Variants in LRRC74A observed in about 807,000 individuals in gnomAD.
LRRC74A encodes leucine-rich repeat-containing protein 74A.
Under a neutral mutation model 57.9 loss-of-function variants are expected in LRRC74A, and 44 were observed. The observed-to-expected ratio is 0.76, with a 90% CI of 0.60 to 0.98. LRRC74A has a LOEUF of 0.98. Ranked by LOEUF, LRRC74A falls within the 50% of genes least tolerant of loss-of-function variation. The pLI is 0.00. For synonymous variants in LRRC74A, 211 were observed against 219.4 expected (o/e 0.96, Z 0.34); for missense variants, 572 against 574.0 (o/e 1.00, Z 0.04).
chr14:76,844,710 A>C (rs1897005248), intron 6 of LRRC74A, 110 bp from the exon 7 acceptor site: 3 of 715,916 alleles, frequency 4.2e-6, no homozygotes, highest in Non-Finnish European at 7.2e-6. Flanking sequence ...CATTGTCTTC[A>C]CCTAATTTTT....
chr14:76,867,476 A>C, intron 13 of LRRC74A, 38 bp downstream of exon 13: 1 of 1,142,250 alleles, frequency 8.8e-7, no homozygotes, highest in Non-Finnish European at 1.3e-6. Flanking sequence ...GTTCTCTGCA[A>C]GGGGCCCTGG....
chr14:76,869,362 G>T (rs1024936932), intron 13 of LRRC74A, among the ~76,000 whole-genome samples: 1 of 152,188 alleles, frequency 6.6e-6, no homozygotes, highest in Non-Finnish European at 1.5e-5. Flanking sequence ...ACACACTGCC[G>T]CTTTATCAGC....
rs777305722 is a variant in LRRC74A at position 76,828,364 on chromosome 14, T to A, written c.111T>A (p.Thr37=). 1.9e-6 allele frequency: 3 copies of A among 1,613,874 alleles called. No individual in the cohort carries two copies. The Admixed American group carries it at 5.0e-5, about 27-fold the overall frequency. The change falls in exon 2 of 14, where the codon ACT becomes ACA. Residue 37 remains threonine, a synonymous_variant. Transcript: ENST00000689127. Reference sequence around the variant, plus strand: ...ACTGTGAGGCCGAATCCCCGCCGACTGTTGAAAAAGTGAAACCAGCCCGGG... The same window carrying A: ...ACTGTGAGGCCGAATCCCCGCCGACAGTTGAAAAAGTGAAACCAGCCCGGG... ...MLYCEAESPP[T]VEKVKPAREN... is the part of the protein sequence containing the mutation.
intron 5 of LRRC74A, among the ~76,000 whole-genome samples, chr14:76,839,966 T>C (rs1896638506): frequency 6.6e-6 from 1 of 152,120 alleles, no homozygotes; most frequent in South Asian, 2.1e-4. Flanking sequence ...CTTGACCTTG[T>C]GATCTGCCCG....
intron 9 of LRRC74A, among the ~76,000 whole-genome samples, chr14:76,856,504 CTGGATGGATGGATGGATGGATGGATGGA>C (rs35536797): frequency 6.9e-6 from 1 of 145,554 alleles, no homozygotes; most frequent in Non-Finnish European, 1.5e-5. Context: ...TTAATATGTG[CTGGATGGATGGATGGATGGATGGATGGA>C]TGGATGGATG....
chr14:76,851,156 C>T (rs1240036101), intron 7 of LRRC74A, among the ~76,000 whole-genome samples: 1 of 152,214 alleles, frequency 6.6e-6, no homozygotes, highest in African/African-American at 2.4e-5. Context: ...TCCCCACTTC[C>T]AACTGATTGT....
At chr14:76,840,584 CTTTTTTTTTT>C (rs34388699) in intron 5 of LRRC74A, among the ~76,000 whole-genome samples, 9 of 130,074 alleles carry the variant, frequency 6.9e-5, no homozygotes, top group Non-Finnish European at 1.3e-4. Context: ...TTATGTATTT[CTTTTTTTTTT>C]TTTTTTTTGA....
chr14:76,869,789 A>AT (rs1444240604), intron 13 of LRRC74A, among the ~76,000 whole-genome samples: 1 of 151,878 alleles, frequency 6.6e-6, no homozygotes, highest in Non-Finnish European at 1.5e-5. Flanking sequence ...AAGAAAAAAA[A>AT]TTCTAAACCC....
At chr14:76,827,253 C>T (rs1429842893) in intron 1 of LRRC74A, among the ~76,000 whole-genome samples, 1 of 152,194 alleles carries the variant, frequency 6.6e-6, no homozygotes, top group Non-Finnish European at 1.5e-5. Flanking sequence ...GCTACCTGCA[C>T]TGTGTATCCC....
At chr14:76,844,338 G>C (rs1896975360) in intron 5 of LRRC74A, 85 bp from the exon 6 acceptor site, 1 of 1,245,844 alleles carries the variant, frequency 8.0e-7, no homozygotes, top group Non-Finnish European at 1.2e-6. Flanking sequence ...GTTCTAAAGG[G>C]AAGTGGACTG....
intron 9 of LRRC74A, among the ~76,000 whole-genome samples, chr14:76,856,608 T>C (rs1280131503): frequency 7.7e-6 from 1 of 129,432 alleles, no homozygotes; most frequent in Non-Finnish European, 1.7e-5. Flanking sequence ...GGATGACAGG[T>C]GGATGGATGA....
chr14:76,868,956 G>A (rs3783991), intron 13 of LRRC74A, among the ~76,000 whole-genome samples: 6,059 of 152,302 alleles, frequency 0.04, 269 homozygotes, highest in Admixed American at 0.099. Context: ...CTGGCACAGG[G>A]GGCGTCACTC....
rs557512400 is a variant in LRRC74A at position 76,837,977 on chromosome 14, C to A, written c.544+6C>A. On this transcript the variant is annotated splice_donor_region_variant and intron_variant, in intron 5 of 13. Coordinates refer to ENST00000689127, the MANE Select transcript of LRRC74A (RefSeq NM_001385106.1). ...CTGGAGCCTTGAGCTTTCAGGTGAG[C>A]ACATGGAAAGGGAGGGAGAAGACAC... 2 of 1,539,110 alleles carry A rather than the reference C, an allele frequency of 1.3e-6. No individual in the cohort carries two copies. Among genetic ancestry groups the A allele is most frequent in the South Asian group, 2.4e-5 (2 of 84,070 alleles).
chr14:76,848,991 G>A (rs1313004688), intron 7 of LRRC74A, among the ~76,000 whole-genome samples: 1 of 152,200 alleles, frequency 6.6e-6, no homozygotes, highest in Non-Finnish European at 1.5e-5. Flanking sequence ...TCAGCTGAAA[G>A]TTCAGTTCAG....
intron 1 of LRRC74A, 34 bp downstream of exon 1, chr14:76,826,768 C>T: frequency 7.1e-7 from 1 of 1,407,672 alleles, no homozygotes; most frequent in Non-Finnish European, 9.6e-7. Context: ...CCACTCAGGC[C>T]CGTCCCTGCT....
chr14:76,831,666 G>A (rs768052582), intron 3 of LRRC74A, among the ~76,000 whole-genome samples: 3 of 152,074 alleles, frequency 2.0e-5, no homozygotes, highest in Non-Finnish European at 4.4e-5. Flanking sequence ...CCAGCCCCTG[G>A]GCCCAGGAAA....
At chr14:76,855,790 A>T (rs1897835372) in intron 9 of LRRC74A, among the ~76,000 whole-genome samples, 1 of 152,242 alleles carries the variant, frequency 6.6e-6, no homozygotes, top group African/African-American at 2.4e-5. Context: ...TGGCTGCCTC[A>T]TGTTGAAGCC....
chr14:76,843,112 T>A (rs1400301022), intron 5 of LRRC74A, among the ~76,000 whole-genome samples: 1 of 151,968 alleles, frequency 6.6e-6, no homozygotes, highest in African/African-American at 2.4e-5. Context: ...TGAAACTGTG[T>A]CTGTACTAAA....
chr14:76,866,206 A>C (rs13379451), intron 12 of LRRC74A, 131 bp downstream of exon 12: 15,490 of 696,870 alleles, frequency 0.022, 675 homozygotes, highest in East Asian at 0.11. Flanking sequence ...GGGACAGGCT[A>C]TGGGACACTC....
Sources: gnomAD v4.1 joint callset for allele counts (sites outside exome capture counted in the v4.1 genomes callset) on GRCh38, gnomAD v4.1.1 for gene constraint, MANE v1.5 for transcripts, NCBI Gene and HGNC (gene_info 2026-07-23, HGNC 2026-07-21) for gene names.